Variants in CHST8 observed in about 807,000 individuals in gnomAD.
CHST8 encodes the protein GALNAC-4-ST1.
Under a neutral mutation model 15.0 loss-of-function variants are expected in CHST8, and 10 were observed. The observed-to-expected ratio is 0.67, with a 90% CI of 0.41 to 1.13. The LOEUF (loss-of-function observed/expected upper bound fraction) is 1.13, where lower values mean the gene tolerates loss of function less well. CHST8 is among the 50% of genes most tolerant of loss of function. CHST8 has a pLI of 0.00. For synonymous variants in CHST8, 259 were observed against 256.6 expected (o/e 1.01, Z -0.09); for missense variants, 634 against 608.2 (o/e 1.04, Z -0.45).
chr19:33,762,265 CCCCTT>C (rs1301940268), intron 3 of CHST8, among the ~76,000 whole-genome samples: 2 of 152,200 alleles, frequency 1.3e-5, no homozygotes, highest in African/African-American at 4.8e-5. Context: ...GCTCAGGACT[CCCCTT>C]CCCAACCCAC....
intron 1 of CHST8, among the ~76,000 whole-genome samples, chr19:33,644,580 AT>A (rs1000774416): frequency 4.0e-5 from 6 of 151,608 alleles, no homozygotes; most frequent in South Asian, 4.2e-4. Context: ...AAAAAAAAAA[AT>A]TTTTTTTTAA....
intron 3 of CHST8, among the ~76,000 whole-genome samples, chr19:33,748,544 G>T (rs1237518917): frequency 6.6e-6 from 1 of 152,236 alleles, no homozygotes; most frequent in Non-Finnish European, 1.5e-5. Flanking sequence ...TGGGGAGGGG[G>T]AGATGAAAGG....
chr19:33,729,305 CT>C (rs913809206), intron 3 of CHST8, among the ~76,000 whole-genome samples: 3 of 152,370 alleles, frequency 2.0e-5, no homozygotes, highest in Middle Eastern at 3.4e-3. Context: ...CCGTCTCAGG[CT>C]GTTGGCCAGA....
chr19:33,633,564 A>C (rs1212303632), intron 1 of CHST8, among the ~76,000 whole-genome samples: 1 of 129,392 alleles, frequency 7.7e-6, no homozygotes, highest in African/African-American at 2.7e-5. Flanking sequence ...CTAATTTTTT[A>C]TTTTTATTTT....
chr19:33,772,099 G>C lies in CHST8; in HGVS notation c.311G>C (p.Arg104Pro), dbSNP rs753922446. 1 of 1,611,706 alleles carries C rather than the reference G, an allele frequency of 6.2e-7. No homozygotes were observed. Reference protein sequence around the residue: ...QPQPPLQRGTRLRLRQRRRRL... With the variant: ...QPQPPLQRGTPLRLRQRRRRL... ...CAACCCCCGCTGCAGAGGGGAACCCGTCTGCGGCTCCGCCAGCGCCGTCGC... is the reference window on the plus strand; with the variant it reads ...CAACCCCCGCTGCAGAGGGGAACCCCTCTGCGGCTCCGCCAGCGCCGTCGC... The change falls in exon 5 of 5, where the codon CGT becomes CCT. Residue 104 changes from arginine (R) to proline (P), a missense_variant. Arg to Pro is a moderately radical substitution (Grantham distance 103). Transcript: ENST00000650847.
chr19:33,622,709 C>T (rs1005163251), intron 1 of CHST8, among the ~76,000 whole-genome samples: 1 of 152,074 alleles, frequency 6.6e-6, no homozygotes, highest in Non-Finnish European at 1.5e-5. Flanking sequence ...GGCTTCCTGG[C>T]GCGCTCGGAG....
rs1018890894 is a variant in CHST8 at position 33,772,930 on chromosome 19, C to G, written c.1142C>G (p.Ala381Gly). The G allele has an allele frequency of 1.9e-6, 3 of 1,613,308 alleles. No homozygotes were observed. Among genetic ancestry groups the G allele is most frequent in the Admixed American group, 3.3e-5 (2 of 60,010 alleles). The change falls in exon 5 of 5, where the codon GCG (alanine) becomes GGG (glycine). Residue 381 changes from alanine (A) to glycine (G), a missense_variant. Coordinates refer to ENST00000650847, the MANE Select transcript of CHST8 (RefSeq NM_001127895.2). ...TTCAAGGACCGGCACTCGCAGGAGG[C>G]GCGGACCACAGCGAGGATCGCCCAC... ...PRFKDRHSQEARTTARIAHQY... is the reference protein window; with the variant it reads ...PRFKDRHSQEGRTTARIAHQY...
chr19:33,711,882 C>T (rs1476019553), intron 3 of CHST8, among the ~76,000 whole-genome samples: 1 of 152,168 alleles, frequency 6.6e-6, no homozygotes, highest in Non-Finnish European at 1.5e-5. Flanking sequence ...ATCTGCCTGC[C>T]TTGGCCTCCC....
chr19:33,698,189 A>G (rs1973258973), intron 3 of CHST8, among the ~76,000 whole-genome samples: 1 of 152,170 alleles, frequency 6.6e-6, no homozygotes, highest in Non-Finnish European at 1.5e-5. Context: ...AGGCAGGAGA[A>G]TTGCTTGAAC....
At chr19:33,771,351 A>T in intron 3 of CHST8, 62 bp from the exon 4 acceptor site, 1 of 1,528,354 alleles carries the variant, frequency 6.5e-7, no homozygotes. Flanking sequence ...GCCCATAAGC[A>T]GTTCCCTGGG....
intron 2 of CHST8, among the ~76,000 whole-genome samples, chr19:33,678,598 C>T (rs1287527255): frequency 6.6e-6 from 1 of 152,018 alleles, no homozygotes; most frequent in Non-Finnish European, 1.5e-5. Flanking sequence ...AACATTTAAC[C>T]AGGCACTGTT....
intron 3 of CHST8, among the ~76,000 whole-genome samples, chr19:33,729,953 G>A (rs1213201501): frequency 1.3e-5 from 2 of 152,142 alleles, no homozygotes; most frequent in Admixed American, 6.5e-5. Flanking sequence ...GAAAAACATC[G>A]TATATGATCC....
At chr19:33,680,332 G>A (rs574324442) in intron 2 of CHST8, among the ~76,000 whole-genome samples, 2 of 152,146 alleles carry the variant, frequency 1.3e-5, no homozygotes, top group South Asian at 2.1e-4. Flanking sequence ...TCTGGGCCTC[G>A]AGCAGGTGTT....
intron 2 of CHST8, among the ~76,000 whole-genome samples, chr19:33,684,309 C>T (rs1257856611): frequency 6.7e-6 from 1 of 148,800 alleles, no homozygotes; most frequent in Non-Finnish European, 1.5e-5. Flanking sequence ...CAGCGGACAG[C>T]AGGTAAATTG....
At chr19:33,624,494 A>G (rs1242735875) in intron 1 of CHST8, among the ~76,000 whole-genome samples, 2 of 152,218 alleles carry the variant, frequency 1.3e-5, no homozygotes, top group Non-Finnish European at 2.9e-5. Context: ...ACATTTACTG[A>G]TTACAGGGTA....
intron 3 of CHST8, 120 bp downstream of exon 3, chr19:33,689,511 C>T: frequency 1.4e-5 from 17 of 1,201,930 alleles, no homozygotes; most frequent in Non-Finnish European, 1.9e-5. Flanking sequence ...GTGCCAAGAC[C>T]CCCGGCAGGC....
chr19:33,641,720 G>A (rs1285231313), intron 1 of CHST8, among the ~76,000 whole-genome samples: 1 of 151,608 alleles, frequency 6.6e-6, no homozygotes, highest in African/African-American at 2.4e-5. Context: ...GCAAAGGAGG[G>A]GTATGGTCTG....
chr19:33,652,619 G>A (rs548913565), intron 1 of CHST8, among the ~76,000 whole-genome samples: 2 of 151,960 alleles, frequency 1.3e-5, no homozygotes, highest in African/African-American at 4.8e-5. Context: ...CAGGGGATCC[G>A]CCCACCTCAG....
At position 33,679,909 on chromosome 19, in the gene CHST8, C is replaced by T. The variant is rs182379721; in HGVS notation, c.-86-9267C>T. On this transcript the variant is annotated intron_variant, in intron 2 of 4. Coordinates refer to ENST00000650847, the MANE Select transcript of CHST8 (RefSeq NM_001127895.2). ...CGAGGGGCTGCCTCATCTGAGATCACGCCCTTCTCTGGGCAACCCACATCC... is the reference window on the plus strand; with the variant it reads ...CGAGGGGCTGCCTCATCTGAGATCATGCCCTTCTCTGGGCAACCCACATCC... Among the ~76,000 whole-genome samples, 88 of 152,274 alleles carry T rather than the reference C, an allele frequency of 5.8e-4. No homozygotes were observed. In the South Asian group the frequency reaches 0.01, roughly 18 times the overall value.
Sources: gnomAD v4.1 joint callset for allele counts (sites outside exome capture counted in the v4.1 genomes callset) on GRCh38, gnomAD v4.1.1 for gene constraint, MANE v1.5 for transcripts, NCBI Gene and HGNC (gene_info 2026-07-23, HGNC 2026-07-21) for gene names.